The following GALM variants were observed in gnomAD, a reference collection of about 807,000 sequenced individuals.
GALM encodes galactose mutarotase.
GALM carries 43 observed loss-of-function variants against 37.4 expected under a neutral mutation model. That is an observed-to-expected ratio of 1.15 (90% confidence interval 0.90 to 1.48). The LOEUF (loss-of-function observed/expected upper bound fraction) is 1.48. Ranked by LOEUF, GALM falls within the 40% of genes most tolerant of loss-of-function variation. The pLI is 0.00. For synonymous variants in GALM, 199 were observed against 170.6 expected (o/e 1.17, Z -1.30); for missense variants, 456 against 419.1 (o/e 1.09, Z -0.77).
In GALM at chr2:38,689,885, A is replaced by T; in HGVS notation, c.625A>T (p.Ile209Phe). 3 of 1,601,772 alleles carry T rather than the reference A, an allele frequency of 1.9e-6. No individual in the cohort carries two copies. Among genetic ancestry groups the T allele is most frequent in the Non-Finnish European group, 2.6e-6 (3 of 1,169,560 alleles). ...TTATTTGCCTGTGGATGAAACCCTG[A>T]TTCCTACAGGTTGGTGAATTTAACC... ...DTYLPVDETL[I>F]PTGEVAPVQG... is the part of the protein sequence containing the mutation. Residue 209 changes from isoleucine (I) to phenylalanine (F), a missense_variant, in exon 4 of 7, where the codon ATT (isoleucine) becomes TTT (phenylalanine). Ile to Phe is a conservative substitution (Grantham distance 21, BLOSUM62 0). Transcript: ENST00000272252.
Position 38,666,640 on chromosome 2 carries a change from G to A in GALM, c.190+289G>A, listed in dbSNP as rs530264869. On this transcript the variant is annotated intron_variant, in intron 1 of 6. Coordinates refer to ENST00000272252, the MANE Select transcript of GALM (RefSeq NM_138801.3). ...TATGATACACTTCAGCGATCCTGGA[G>A]CGATCTTTGAACTGCCTAATCTTTG... Among the ~76,000 whole-genome samples, 6 of 152,354 alleles carry A rather than the reference G, an allele frequency of 3.9e-5. No homozygotes were observed. The South Asian group carries it at 1.2e-3, about 32-fold the overall frequency.
At chr2:38,708,466 G>T (rs1666085324) in intron 4 of GALM, among the ~76,000 whole-genome samples, 1 of 152,124 alleles carries the variant, frequency 6.6e-6, no homozygotes. Context: ...TGTCGCCTGG[G>T]CACAGTGGCT....
chr2:38,687,291 T>C (rs1435518620), intron 3 of GALM, among the ~76,000 whole-genome samples: 1 of 152,192 alleles, frequency 6.6e-6, no homozygotes, highest in Non-Finnish European at 1.5e-5. Flanking sequence ...ATCTTGGACC[T>C]GCTGCCCCAG....
intron 4 of GALM, chr2:38,698,429 G>A: frequency 1.5e-6 from 2 of 1,302,032 alleles, no homozygotes; most frequent in Non-Finnish European, 2.0e-6. Flanking sequence ...CAGGAGCAAA[G>A]TTTGCAGGTA....
At chr2:38,715,841 G>A (rs1038481917) in intron 4 of GALM, among the ~76,000 whole-genome samples, 2 of 152,110 alleles carry the variant, frequency 1.3e-5, no homozygotes, top group Non-Finnish European at 2.9e-5. Flanking sequence ...TAGGGTGCTG[G>A]GCACTTTACA....
intron 6 of GALM, 74 bp from the exon 7 acceptor site, chr2:38,733,414 C>A: frequency 8.0e-7 from 1 of 1,251,494 alleles, no homozygotes; most frequent in Non-Finnish European, 1.2e-6. Flanking sequence ...AGAAGCCCGT[C>A]CAGAAGCACA....
chr2:38,700,566 TTC>T (rs1665897619), intron 4 of GALM, among the ~76,000 whole-genome samples: 1 of 152,178 alleles, frequency 6.6e-6, no homozygotes. Context: ...TGCTTTTGGT[TTC>T]TGTTTGCATG....
At position 38,679,360 on chromosome 2, in the gene GALM, C is replaced by G. The variant is rs538395972; in HGVS notation, c.346-1920C>G. Among the ~76,000 whole-genome samples, 49 of 152,104 alleles carry G rather than the reference C, an allele frequency of 3.2e-4. No individual in the cohort carries two copies. The South Asian group carries it at 8.3e-3, about 26-fold the overall frequency. ...AGGTAGTATGAAACTCCCCACCGCC[C>G]CCGACACACACTAGGAATGTAGAAG... is the stretch of plus-strand genomic sequence containing the variant. On this transcript the variant is annotated intron_variant, in intron 2 of 6. Transcript: ENST00000272252.
intron 4 of GALM, among the ~76,000 whole-genome samples, chr2:38,714,809 C>A (rs1474163528): frequency 6.6e-6 from 1 of 152,100 alleles, no homozygotes; most frequent in Admixed American, 6.6e-5. Context: ...AAGTCATAGA[C>A]TAGTTTTCAA....
chr2:38,733,826 A>T lies in GALM; in HGVS notation c.*261A>T, dbSNP rs1015508803. 2 of 445,046 alleles carry T rather than the reference A, an allele frequency of 4.5e-6. No homozygotes were observed. The highest frequency in any genetic ancestry group is 6.6e-4 in the Middle Eastern group (1 of 1,504). 27.6% of individuals were successfully genotyped at this position (445,046 alleles called of 1,614,324 possible). ...CAACAATGTCGTCATCTAAGCCCTG[A>T]CCCTAGCCAGGGACTCCCATGCTGC... is the stretch of plus-strand genomic sequence containing the variant. On this transcript the variant is annotated 3_prime_UTR_variant, in exon 7 of 7. Coordinates refer to ENST00000272252, the MANE Select transcript of GALM (RefSeq NM_138801.3).
intron 4 of GALM, among the ~76,000 whole-genome samples, chr2:38,728,686 A>AAAAACAAAACAAAACAAAACAAAAC (rs70954748): frequency 6.6e-6 from 1 of 150,614 alleles, no homozygotes; most frequent in Non-Finnish European, 1.5e-5. Context: ...CTCCATCTCA[A>AAAAACAAAACAAAACAAAACAAAAC]AAAACAAAAC....
intron 4 of GALM, among the ~76,000 whole-genome samples, chr2:38,719,323 A>T (rs1483178750): frequency 6.6e-6 from 1 of 151,710 alleles, no homozygotes; most frequent in Non-Finnish European, 1.5e-5. Context: ...TACAAAAATT[A>T]GCCAGGCGTG....
At chr2:38,731,010 G>C (rs1666597332) in intron 5 of GALM, among the ~76,000 whole-genome samples, 1 of 151,846 alleles carries the variant, frequency 6.6e-6, no homozygotes, top group Non-Finnish European at 1.5e-5. Flanking sequence ...CAGATCACCT[G>C]AGGTCAGTAG....
At chr2:38,699,105 G>A (rs1178385525) in intron 4 of GALM, among the ~76,000 whole-genome samples, 3 of 149,770 alleles carry the variant, frequency 2.0e-5, no homozygotes, top group Non-Finnish European at 4.4e-5. Flanking sequence ...GTAGAGACGG[G>A]GTTTCACCAT....
intron 4 of GALM, among the ~76,000 whole-genome samples, chr2:38,710,656 C>T (rs1478154807): frequency 6.6e-6 from 1 of 152,122 alleles, no homozygotes. Flanking sequence ...CCTCCTGCCT[C>T]AGGCTCCCAA....
At chr2:38,675,821 G>A in intron 1 of GALM, 91 bp from the exon 2 acceptor site, 14 of 1,195,234 alleles carry the variant, frequency 1.2e-5, no homozygotes, top group Middle Eastern at 2.3e-4. Context: ...CGCCTGCCTC[G>A]GCCTCCCATA....
rs1047863001 is a variant in GALM at position 38,731,880 on chromosome 2, A to T, written c.922A>T (p.Thr308Ser). The T allele has an allele frequency of 1.9e-6, 3 of 1,613,870 alleles. No homozygotes were observed. The highest frequency in any genetic ancestry group is 2.5e-6 in the Non-Finnish European group (3 of 1,179,990). The change falls in exon 6 of 7, where the codon ACT (threonine) becomes TCT (serine). Residue 308 changes from threonine to serine, a missense_variant. Thr to Ser is a moderately conservative substitution (Grantham distance 58, BLOSUM62 1). Coordinates refer to ENST00000272252, the MANE Select transcript of GALM (RefSeq NM_138801.3). ...CAAGCACTCCGGTTTCTGCCTGGAG[A>T]CTCAGAACTGGCCTGATGCAGTCAA... ...YPKHSGFCLE[T>S]QNWPDAVNQP... is the part of the protein sequence containing the mutation.
intron 4 of GALM, among the ~76,000 whole-genome samples, chr2:38,722,316 C>A (rs1666399838): frequency 6.6e-6 from 1 of 152,168 alleles, no homozygotes; most frequent in Non-Finnish European, 1.5e-5. Context: ...ACACCCTCCA[C>A]AGCTGTCATC....
chr2:38,675,512 T>G (rs1665222681), intron 1 of GALM, among the ~76,000 whole-genome samples: 1 of 143,606 alleles, frequency 7.0e-6, no homozygotes, highest in Non-Finnish European at 1.5e-5. Context: ...CACCTTTGGA[T>G]TGAGGGTTTT....
Sources: gnomAD v4.1 joint callset for allele counts (sites outside exome capture counted in the v4.1 genomes callset) on GRCh38, gnomAD v4.1.1 for gene constraint, MANE v1.5 for transcripts, NCBI Gene and HGNC (gene_info 2026-07-23, HGNC 2026-07-21) for gene names.